Variants in HUNK observed in about 807,000 individuals in gnomAD.
HUNK encodes hormonally up-regulated Neu-associated kinase.
HUNK carries 21 observed loss-of-function variants against 61.0 expected under a neutral mutation model. The observed-to-expected ratio is 0.34, with a 90% CI of 0.24 to 0.50. HUNK has a LOEUF of 0.50. Ranked by LOEUF, HUNK falls within the 20% of genes least tolerant of loss-of-function variation. The probability of loss-of-function intolerance (pLI) is 0.98; values close to 1 mark genes in which losing one functional copy is unlikely to be tolerated. For missense variants in HUNK, 772 were observed against 945.7 expected, an observed-to-expected ratio of 0.82 and a Z score of 2.41; for synonymous variants, 371 against 386.1, an observed-to-expected ratio of 0.96 and a Z score of 0.46.
chr21:31,874,471 G>T (rs1407387016), intron 1 of HUNK, among the ~76,000 whole-genome samples: 1 of 152,074 alleles, frequency 6.6e-6, no homozygotes, highest in African/African-American at 2.4e-5. Context: ...GGCAGCTAGG[G>T]AATGTTTTTT....
intron 7 of HUNK, among the ~76,000 whole-genome samples, chr21:31,980,608 A>T (rs1350233211): frequency 1.3e-5 from 2 of 152,024 alleles, no homozygotes; most frequent in Non-Finnish European, 2.9e-5. Flanking sequence ...CAAGTTGGCC[A>T]GGATGGTCTT....
chr21:31,897,176 G>T (rs2052430665), intron 1 of HUNK, among the ~76,000 whole-genome samples: 1 of 151,038 alleles, frequency 6.6e-6, no homozygotes, highest in Admixed American at 6.6e-5. Flanking sequence ...AGCCTAGGAG[G>T]TGGAGGCTGC....
chr21:31,905,751 G>A (rs947842513), intron 1 of HUNK, among the ~76,000 whole-genome samples: 13 of 152,230 alleles, frequency 8.5e-5, no homozygotes, highest in Non-Finnish European at 1.9e-4. Context: ...TCAGGGCAGA[G>A]TGGAAAAAAG....
rs140863680 is a variant in HUNK at position 31,975,717 on chromosome 21, T to C, written c.1173+1000T>C. Reference sequence around the variant, plus strand: ...TATGTCACCAAATTTCACTAGACAATAGGCTTAGAAACCTTTTTGAGGTTT... The same window carrying C: ...TATGTCACCAAATTTCACTAGACAACAGGCTTAGAAACCTTTTTGAGGTTT... On this transcript the variant is annotated intron_variant, in intron 7 of 10. Coordinates refer to ENST00000270112, the MANE Select transcript of HUNK (RefSeq NM_014586.2). Among the ~76,000 whole-genome samples, 47 of 152,310 alleles carry C rather than the reference T, an allele frequency of 3.1e-4. 1 individual carries two copies. The Middle Eastern group carries it at 0.014, about 44-fold the overall frequency.
chr21:31,992,340 G>A (rs553939454), intron 9 of HUNK, among the ~76,000 whole-genome samples: 1 of 152,284 alleles, frequency 6.6e-6, no homozygotes, highest in East Asian at 1.9e-4. Flanking sequence ...ACAACATTAA[G>A]GATCCTGGGT....
At chr21:31,974,116 G>A (rs2053032000) in intron 6 of HUNK, 1 of 152,866 alleles carries the variant, frequency 6.5e-6, no homozygotes, top group African/African-American at 2.4e-5. Context: ...TTTAAGGAAA[G>A]AATGTGTGAT....
At chr21:31,986,652 A>C (rs2053135429) in intron 8 of HUNK, among the ~76,000 whole-genome samples, 1 of 152,070 alleles carries the variant, frequency 6.6e-6, no homozygotes, top group Non-Finnish European at 1.5e-5. Context: ...GCCCACACAC[A>C]CAGCGCTGCA....
At chr21:31,890,332 G>C (rs911264881) in intron 1 of HUNK, among the ~76,000 whole-genome samples, 1 of 151,696 alleles carries the variant, frequency 6.6e-6, no homozygotes, top group East Asian at 1.9e-4. Context: ...GGGTTCAAGC[G>C]ATTCTCCTGC....
At chr21:31,892,697 A>G (rs1441799433) in intron 1 of HUNK, among the ~76,000 whole-genome samples, 1 of 152,102 alleles carries the variant, frequency 6.6e-6, no homozygotes, top group Non-Finnish European at 1.5e-5. Context: ...TTTAGATAGT[A>G]AGAAACAGAT....
rs1022380185 is a variant in HUNK at position 31,873,110 on chromosome 21, T to G, written c.-565T>G. ...GGATTAAATTTCTGCAAATTCAAAC[T>G]GAATGGGGCTTTCTTCTGCTGCCTT... On this transcript the variant is annotated 5_prime_UTR_variant, in exon 1 of 11. Coordinates refer to ENST00000270112, the MANE Select transcript of HUNK (RefSeq NM_014586.2). This position sits in a 1 kb window ranked among gnomAD's most constrained non-coding sequence, Gnocchi z 6.1. Among the ~76,000 whole-genome samples, 1 of 152,086 alleles carries G rather than the reference T, an allele frequency of 6.6e-6. No homozygotes were observed. Among genetic ancestry groups the G allele is most frequent in the African/African-American group, 2.4e-5 (1 of 41,434 alleles).
chr21:31,892,201 AGAGAGAGAGT>A (rs1412481344), intron 1 of HUNK, among the ~76,000 whole-genome samples: 18 of 144,890 alleles, frequency 1.2e-4, no homozygotes, highest in Middle Eastern at 3.6e-3. Context: ...AGAGAGAGAG[AGAGAGAGAGT>A]GTGTGTGTGT....
At chr21:31,936,259 T>C (rs1469909406) in intron 2 of HUNK, among the ~76,000 whole-genome samples, 1 of 152,204 alleles carries the variant, frequency 6.6e-6, no homozygotes, top group Non-Finnish European at 1.5e-5. Context: ...TTTAGGTAAA[T>C]ACCTAGGTAA....
intron 5 of HUNK, among the ~76,000 whole-genome samples, chr21:31,967,194 T>TA (rs1182168202): frequency 6.6e-6 from 1 of 151,258 alleles, no homozygotes; most frequent in Non-Finnish European, 1.5e-5. Context: ...ACCAAAAAAA[T>TA]AAAAAAAGTA....
chr21:31,893,051 AT>A (rs1269305438), intron 1 of HUNK, among the ~76,000 whole-genome samples: 1 of 152,132 alleles, frequency 6.6e-6, no homozygotes, highest in Non-Finnish European at 1.5e-5. Flanking sequence ...CCGTCTACTT[AT>A]TTGGTTGGGC....
At chr21:31,980,455 C>A (rs1237914830) in intron 7 of HUNK, among the ~76,000 whole-genome samples, 1 of 150,776 alleles carries the variant, frequency 6.6e-6, no homozygotes, top group Non-Finnish European at 1.5e-5. Context: ...TGGCTCACTG[C>A]AACCTCCGCC....
In HUNK at chr21:31,924,794, G is replaced by A. The variant is rs2052648890; in HGVS notation, c.554+34G>A. On this transcript the variant is annotated intron_variant, in intron 2 of 10. Transcript: ENST00000270112. This position sits in a 1 kb window ranked among gnomAD's most constrained non-coding sequence, Gnocchi z 5.1. ...CAGGCCACGCTGGTGATCGCTGACT[G>A]TGTGCTCCGTGGGTGGCACTGGGCT... 6 of 1,552,038 alleles carry A rather than the reference G, an allele frequency of 3.9e-6. No individual in the cohort carries two copies. The African/African-American group carries it at 5.5e-5, about 14-fold the overall frequency.
chr21:31,885,732 T>G (rs1429403395), intron 1 of HUNK, among the ~76,000 whole-genome samples: 1 of 152,100 alleles, frequency 6.6e-6, no homozygotes, highest in Non-Finnish European at 1.5e-5. Flanking sequence ...AATGTTCCCT[T>G]TTGTATTTTT....
At chr21:31,878,258 CAAAAAAA>C (rs59741283) in intron 1 of HUNK, among the ~76,000 whole-genome samples, 22 of 89,956 alleles carry the variant, frequency 2.4e-4, no homozygotes, top group Non-Finnish European at 2.1e-5. Flanking sequence ...GACTCCATCT[CAAAAAAA>C]AAAAAAAAAA....
chr21:31,966,139 T>A (rs1164041906), intron 5 of HUNK, among the ~76,000 whole-genome samples: 1 of 152,184 alleles, frequency 6.6e-6, no homozygotes, highest in Non-Finnish European at 1.5e-5. Flanking sequence ...AGCTCCCACT[T>A]ACGAGTGAGA....
Sources: gnomAD v4.1 joint callset for allele counts (sites outside exome capture counted in the v4.1 genomes callset) on GRCh38, gnomAD v4.1.1 for gene constraint, Gnocchi (gnomAD v3.1) non-coding constraint, MANE v1.5 for transcripts, NCBI Gene and HGNC (gene_info 2026-07-23, HGNC 2026-07-21) for gene names.